Variants in FAP observed in about 807,000 individuals in gnomAD.
FAP encodes prolyl endopeptidase FAP.
A neutral mutation model predicts 126.5 loss-of-function variants in FAP; 110 were observed. The ratio of observed to expected loss-of-function variants is 0.87; its 90% CI spans 0.74 to 1.02. The LOEUF (loss-of-function observed/expected upper bound fraction) is 1.02, where lower values mean the gene tolerates loss of function less well. Ranked by LOEUF, FAP falls within the 50% of genes least tolerant of loss-of-function variation. FAP has a pLI of 0.00. For synonymous variants in FAP, 334 were observed against 297.3 expected (o/e 1.12, Z -1.27); for missense variants, 919 against 909.2 (o/e 1.01, Z -0.14).
intron 2 of FAP, among the ~76,000 whole-genome samples, chr2:162,240,904 G>A (rs1026812068): frequency 6.6e-6 from 1 of 152,148 alleles, no homozygotes; most frequent in Non-Finnish European, 1.5e-5. Context: ...CTCCAGACGG[G>A]AGATGATTGA....
intron 6 of FAP, among the ~76,000 whole-genome samples, chr2:162,222,343 A>G (rs985089610): frequency 1.3e-5 from 2 of 152,174 alleles, no homozygotes; most frequent in African/African-American, 4.8e-5. Flanking sequence ...AATATTTCTT[A>G]AATTTGGTGA....
At position 162,170,935 on chromosome 2, in the gene FAP, A is replaced by G. The variant is rs747539352; in HGVS notation, c.*44T>C. ...TAAGCAAACTGTCTGAGGGGTTTAT[A>G]TAAGGTTTTCAGATTCTGATACAGG... On this transcript the variant is annotated 3_prime_UTR_variant, in exon 26 of 26. Transcript: ENST00000188790. The G allele has an allele frequency of 1.4e-5, 20 of 1,443,716 alleles. No homozygotes were observed. Among genetic ancestry groups the G allele is most frequent in the Non-Finnish European group, 1.8e-5 (18 of 1,026,876 alleles). 89.4% of individuals were successfully genotyped at this position (1,443,716 alleles called of 1,614,324 possible). A position where few individuals can be genotyped will look rare whatever the true frequency, so the allele number is the denominator to read the frequency against.
In FAP at chr2:162,190,033, T is replaced by C. The variant is rs1330229429; in HGVS notation, c.1451-279A>G. On this transcript the variant is annotated intron_variant, in intron 17 of 25. Transcript: ENST00000188790. ...CACAGGAGCAACAATGTTTATTCAATCACGTTTTCCCATCTAAAGCTGTTT... is the reference window on the plus strand; with the variant it reads ...CACAGGAGCAACAATGTTTATTCAACCACGTTTTCCCATCTAAAGCTGTTT... Among the ~76,000 whole-genome samples the C allele has an allele frequency of 3.3e-5, 5 of 151,992 alleles. No individual in the cohort carries two copies. In the East Asian group the frequency reaches 9.6e-4, roughly 29 times the overall value.
At chr2:162,219,037 A>C (rs752859725) in intron 8 of FAP, 26 bp downstream of exon 8, 1 of 1,557,850 alleles carries the variant, frequency 6.4e-7, no homozygotes, top group African/African-American at 1.4e-5. Flanking sequence ...CTAAAGCATT[A>C]GCAGTAGAAA....
intron 12 of FAP, among the ~76,000 whole-genome samples, chr2:162,207,364 A>C (rs1028107018): frequency 6.6e-6 from 1 of 152,374 alleles, no homozygotes; most frequent in East Asian, 1.9e-4. Flanking sequence ...TAGAAGTTTT[A>C]CTGACTACTG....
At chr2:162,179,106 G>A (rs1559761108) in intron 21 of FAP, among the ~76,000 whole-genome samples, 1 of 152,054 alleles carries the variant, frequency 6.6e-6, no homozygotes, top group African/African-American at 2.4e-5. Context: ...CCAATACCTT[G>A]CCCTATTGAC....
chr2:162,228,973 A>G (rs1026687302), intron 2 of FAP, among the ~76,000 whole-genome samples: 4 of 152,188 alleles, frequency 2.6e-5, no homozygotes, highest in Non-Finnish European at 5.9e-5. Context: ...TGGAAAATTT[A>G]AAAATGTATA....
intron 2 of FAP, among the ~76,000 whole-genome samples, chr2:162,240,488 A>G (rs922997163): frequency 2.6e-5 from 4 of 152,206 alleles, no homozygotes; most frequent in African/African-American, 9.6e-5. Flanking sequence ...CTTTGGGTGC[A>G]GAAAGCACTG....
At chr2:162,193,714 C>T (rs938423054) in intron 17 of FAP, 1 of 152,120 alleles carries the variant, frequency 6.6e-6, no homozygotes, top group African/African-American at 2.4e-5. Context: ...AAACTAAATT[C>T]ACAGTCCCAT....
chr2:162,219,904 C>T lies in FAP; in HGVS notation c.435G>A (p.Glu145=). 1 of 1,611,818 alleles carries T rather than the reference C, an allele frequency of 6.2e-7. No homozygotes were observed. The highest frequency in any genetic ancestry group is 8.5e-7 in the Non-Finnish European group (1 of 1,178,192). ...LSNGEFVRGN[E]LPRPIQYLCW... ...ATAAATACTGAATTGGACGAGGAAG[C>T]TCATTTCCTCTTACAAATTCTCTAG... The change falls in exon 7 of 26, where the codon GAG becomes GAA. Residue 145 remains glutamate, a synonymous_variant. Coordinates refer to ENST00000188790, the MANE Select transcript of FAP (RefSeq NM_004460.5).
intron 8 of FAP, 58 bp downstream of exon 8, chr2:162,219,005 G>T (rs1043318189): frequency 7.3e-7 from 1 of 1,366,512 alleles, no homozygotes; most frequent in Non-Finnish European, 9.8e-7. Context: ...CTAAATATAT[G>T]AAATTATTTT....
At chr2:162,191,867 C>G (rs911575168) in intron 17 of FAP, among the ~76,000 whole-genome samples, 15 of 152,088 alleles carry the variant, frequency 9.9e-5, no homozygotes, top group African/African-American at 3.4e-4. Flanking sequence ...AATAAACTTC[C>G]CCCTCTTTGC....
At chr2:162,216,151 A>G (rs1689153824) in intron 9 of FAP, 150 bp from the exon 10 acceptor site, 4 of 587,078 alleles carry the variant, frequency 6.8e-6, no homozygotes, top group Non-Finnish European at 1.2e-5. Context: ...ACGACAAGGA[A>G]TCTCATTTCA....
At chr2:162,230,453 T>C (rs1440080684) in intron 2 of FAP, among the ~76,000 whole-genome samples, 2 of 152,114 alleles carry the variant, frequency 1.3e-5, no homozygotes, top group African/African-American at 4.8e-5. Flanking sequence ...CAGTGATTGA[T>C]TTTTCTCACT....
intron 6 of FAP, 34 bp downstream of exon 6, chr2:162,223,574 A>G: frequency 7.6e-7 from 1 of 1,317,022 alleles, no homozygotes; most frequent in Non-Finnish European, 1.1e-6. Context: ...TAGGTATTAG[A>G]TTTAAGTAGT....
At chr2:162,239,915 A>G (rs1690281284) in intron 2 of FAP, among the ~76,000 whole-genome samples, 1 of 152,204 alleles carries the variant, frequency 6.6e-6, no homozygotes, top group Non-Finnish European at 1.5e-5. Flanking sequence ...CAACCTCTGT[A>G]ACTTTTCACT....
intron 21 of FAP, among the ~76,000 whole-genome samples, chr2:162,177,946 A>C (rs1217467069): frequency 6.6e-6 from 1 of 152,170 alleles, no homozygotes; most frequent in Non-Finnish European, 1.5e-5. Flanking sequence ...CTCAGAGTAA[A>C]CTTATAGTGG....
At chr2:162,183,191 A>G (rs887062263) in intron 21 of FAP, among the ~76,000 whole-genome samples, 4 of 152,212 alleles carry the variant, frequency 2.6e-5, no homozygotes, top group African/African-American at 7.2e-5. Flanking sequence ...AAATATGTCA[A>G]TTATGAGTTA....
Position 162,215,549 on chromosome 2 carries a change from G to T in FAP, c.866+349C>A, listed in dbSNP as rs112153075. ...ATCTTCTCTTATTTATCATACACAT[G>T]TGATCCACATAGATCCACAAACCCT... On this transcript the variant is annotated intron_variant, in intron 10 of 25. Transcript: ENST00000188790. Among the ~76,000 whole-genome samples the T allele has an allele frequency of 7.9e-5, 12 of 152,246 alleles. 1 individual carries two copies. The highest frequency in any genetic ancestry group is 2.9e-4 in the African/African-American group (12 of 41,554).
Sources: gnomAD v4.1 joint callset for allele counts (sites outside exome capture counted in the v4.1 genomes callset) on GRCh38, gnomAD v4.1.1 for gene constraint, MANE v1.5 for transcripts, NCBI Gene and HGNC (gene_info 2026-07-23, HGNC 2026-07-21) for gene names.